The following EIF4E3 variants were observed in gnomAD, a reference collection of about 807,000 sequenced individuals.
The protein encoded by EIF4E3 is eukaryotic translation initiation factor 4E family member 3.
In EIF4E3, 26 loss-of-function variants were observed where a neutral mutation model predicts 31.7. The observed-to-expected ratio is 0.82, with a 90% confidence interval of 0.60 to 1.14. The LOEUF (loss-of-function observed/expected upper bound fraction) is 1.14. EIF4E3 is among the 50% of genes most tolerant of loss of function. The pLI, the probability that EIF4E3 is intolerant of heterozygous loss-of-function variation, is 0.00. For synonymous variants in EIF4E3, 128 were observed against 107.7 expected, an observed-to-expected ratio of 1.19 and a Z score of -1.17; for missense variants, 304 against 270.9, an observed-to-expected ratio of 1.12 and a Z score of -0.86.
At chr3:71,689,921 C>A in intron 6 of EIF4E3, 89 bp downstream of exon 6, 1 of 1,196,660 alleles carries the variant, frequency 8.4e-7, no homozygotes. Flanking sequence ...TCAAGTAAAT[C>A]TGCCTTCACC....
At chr3:71,748,498 G>T (rs757809029) in intron 1 of EIF4E3, among the ~76,000 whole-genome samples, 1 of 152,118 alleles carries the variant, frequency 6.6e-6, no homozygotes, top group Non-Finnish European at 1.5e-5. Flanking sequence ...GAAGAGAAGG[G>T]TACTGAGAGA....
intron 2 of EIF4E3, among the ~76,000 whole-genome samples, chr3:71,702,524 G>A (rs1430297364): frequency 6.6e-6 from 1 of 152,136 alleles, no homozygotes; most frequent in Non-Finnish European, 1.5e-5. Context: ...ATCATGCTAA[G>A]GATTGGAGCT....
rs2108122820 is a variant in EIF4E3 at position 71,725,080 on chromosome 3, G to A, written c.176+112C>T. ...GCAGGCGGACGCGCGGAGGGGCCGA[G>A]GTCTGTGCCACAGCGGAGCGGGGCC... On this transcript the variant is annotated intron_variant, in intron 1 of 6. Transcript: ENST00000425534. This position sits in a 1 kb window ranked among gnomAD's most constrained non-coding sequence, Gnocchi z 6.1. The A allele has an allele frequency of 8.5e-6, 7 of 822,512 alleles. No individual in the cohort carries two copies. The South Asian group carries it at 3.9e-4, about 46-fold the overall frequency. The allele number at this position is 822,512 out of a possible 1,614,324, so 51.0% of individuals were successfully genotyped here.
chr3:71,707,907 G>A (rs1194282749), intron 2 of EIF4E3, among the ~76,000 whole-genome samples: 2 of 146,662 alleles, frequency 1.4e-5, no homozygotes, highest in East Asian at 4.0e-4. Flanking sequence ...GTGTGTGAGA[G>A]AGACAGAGTC....
intron 2 of EIF4E3, among the ~76,000 whole-genome samples, chr3:71,707,284 T>C (rs2049306997): frequency 6.6e-6 from 1 of 152,228 alleles, no homozygotes; most frequent in Non-Finnish European, 1.5e-5. Context: ...AGACAGGTTA[T>C]ATAACTTGTC....
downstream of EIF4E3, among the ~76,000 whole-genome samples, chr3:71,673,334 C>A (rs890443382): frequency 3.3e-5 from 5 of 152,022 alleles, no homozygotes; most frequent in African/African-American, 1.2e-4. Flanking sequence ...TGACTGCTAC[C>A]CCTCAGGTAT....
At chr3:71,750,689 G>A (rs2049917662) in intron 1 of EIF4E3, among the ~76,000 whole-genome samples, 1 of 152,068 alleles carries the variant, frequency 6.6e-6, no homozygotes, top group South Asian at 2.1e-4. Flanking sequence ...GGAGGCTGAG[G>A]TGGGAGGATC....
intron 6 of EIF4E3, 139 bp downstream of exon 6, chr3:71,689,871 T>G: frequency 2.4e-6 from 2 of 839,242 alleles, no homozygotes; most frequent in Non-Finnish European, 3.2e-6. Context: ...AAAAAAAACT[T>G]AAATGTATTT....
chr3:71,703,811 CAAAAAAAAAAAAA>C (rs370789059), intron 2 of EIF4E3, among the ~76,000 whole-genome samples: 2 of 72,472 alleles, frequency 2.8e-5, no homozygotes, highest in African/African-American at 1.2e-4. Context: ...AAACACACAT[CAAAAAAAAAAAAA>C]AAAAAAAAAA....
At chr3:71,684,791 CCA>C in intron 6 of EIF4E3, 63 bp from the exon 7 acceptor site, 2 of 1,553,718 alleles carry the variant, frequency 1.3e-6, no homozygotes, top group Non-Finnish European at 1.8e-6. Flanking sequence ...AAAGGATGGG[CCA>C]ACCCTCCTCT....
At position 71,678,062 on chromosome 3, in the gene EIF4E3, C is replaced by G. The variant is rs996720973; in HGVS notation, c.*6620G>C. 1 of 152,184 alleles carries G rather than the reference C, an allele frequency of 6.6e-6. No individual in the cohort carries two copies. The highest frequency in any genetic ancestry group is 1.5e-5 in the Non-Finnish European group (1 of 68,024). 9.4% of individuals were successfully genotyped at this position (152,184 alleles called of 1,614,324 possible). ...GAATACCAGATAACCTACTAAGCGT[C>G]AGACTCCATGCTAGCAGCGTCACAC... is the stretch of plus-strand genomic sequence containing the variant. On this transcript the variant is annotated 3_prime_UTR_variant, in exon 7 of 7. Coordinates refer to ENST00000425534, the MANE Select transcript of EIF4E3 (RefSeq NM_001134651.2).
At chr3:71,729,542 G>T (rs2049679655), upstream of EIF4E3, among the ~76,000 whole-genome samples, 3 of 152,308 alleles carry the variant, frequency 2.0e-5, no homozygotes, top group South Asian at 6.2e-4. Flanking sequence ...CTGTGCCTCA[G>T]TCTCCACATA....
At chr3:71,754,699 C>T (rs1309009073), upstream of EIF4E3, 54 of 1,490,824 alleles carry the variant, frequency 3.6e-5, no homozygotes, top group Non-Finnish European at 4.6e-5. The surrounding 1 kb of genome is among the most constrained non-coding windows in gnomAD (Gnocchi z 5.8). Flanking sequence ...ATGCGGCCCG[C>T]GCGCCTGGTG....
At chr3:71,754,460 G>A, upstream of EIF4E3, 1 of 1,333,660 alleles carries the variant, frequency 7.5e-7, no homozygotes, top group Non-Finnish European at 9.6e-7. The surrounding 1 kb of genome is among the most constrained non-coding windows in gnomAD (Gnocchi z 5.8). Flanking sequence ...TGGCCGGCTG[G>A]CCGTGCGCCG....
intron 1 of EIF4E3, among the ~76,000 whole-genome samples, chr3:71,741,262 T>C (rs897344730): frequency 2.0e-5 from 3 of 152,046 alleles, no homozygotes; most frequent in African/African-American, 4.8e-5. Context: ...AGGAGTTACA[T>C]TGATCCTTAG....
At chr3:71,660,424 A>G in the EIF4E3 span, among the ~76,000 whole-genome samples, 545 of 152,342 alleles carry the variant, frequency 3.6e-3, 2 homozygotes, top group African/African-American at 0.013. Context: ...GTGTTTAAGC[A>G]GGAAAGCCAG....
chr3:71,730,081 G>A (rs1432106464), upstream of EIF4E3, among the ~76,000 whole-genome samples: 1 of 152,156 alleles, frequency 6.6e-6, no homozygotes, highest in Non-Finnish European at 1.5e-5. Context: ...GACTGGCCTG[G>A]GGCAGAGGCC....
chr3:71,741,071 A>G, intron 1 of EIF4E3, among the ~76,000 whole-genome samples: 1 of 152,070 alleles, frequency 6.6e-6, no homozygotes, highest in Non-Finnish European at 1.5e-5. Context: ...AGGAGGCAGA[A>G]GTTGCAGTGG....
rs1301091365 is a variant in EIF4E3, at chr3:71,683,684, C to T, written c.*998G>A. ...ACATGAAAAAGGGTGGGGACAGCTG[C>T]CCAGGCTGGAGGACTACTGATGATG... On this transcript the variant is annotated 3_prime_UTR_variant, in exon 7 of 7. Transcript: ENST00000425534. The T allele has an allele frequency of 6.6e-6, 1 of 152,156 alleles. No individual in the cohort carries two copies. Among genetic ancestry groups the T allele is most frequent in the East Asian group, 1.9e-4 (1 of 5,200 alleles). The allele number at this position is 152,156 out of a possible 1,614,324, so 9.4% of individuals were successfully genotyped here.
Sources: gnomAD v4.1 joint callset for allele counts (sites outside exome capture counted in the v4.1 genomes callset) on GRCh38, gnomAD v4.1.1 for gene constraint, Gnocchi (gnomAD v3.1) non-coding constraint, MANE v1.5 for transcripts, NCBI Gene and HGNC (gene_info 2026-07-23, HGNC 2026-07-21) for gene names.